Variants in SND1 observed in about 807,000 individuals in gnomAD.
SND1 encodes staphylococcal nuclease and tudor domain containing 1.
Under a neutral mutation model 121.7 loss-of-function variants are expected in SND1, and 38 were observed. The ratio of observed to expected loss-of-function variants is 0.31; its 90% CI spans 0.24 to 0.41. SND1 has a LOEUF of 0.41. Among genes scored for constraint, SND1 ranks in the 10% least tolerant of loss-of-function variants. The probability of loss-of-function intolerance (pLI) is 1.00; values close to 1 mark genes in which losing one functional copy is unlikely to be tolerated. For missense variants in SND1, 868 were observed against 1,184.6 expected, an observed-to-expected ratio of 0.73 and a Z score of 3.92; for synonymous variants, 401 against 447.4, an observed-to-expected ratio of 0.90 and a Z score of 1.31.
chr7:128,090,548 G>A (rs1212614228), intron 22 of SND1, among the ~76,000 whole-genome samples: 2 of 152,228 alleles, frequency 1.3e-5, no homozygotes, highest in East Asian at 1.9e-4. Context: ...AGAAAGTGAT[G>A]AGAGGGCAGC....
At chr7:128,078,613 T>G (rs1793547129) in intron 17 of SND1, among the ~76,000 whole-genome samples, 1 of 152,254 alleles carries the variant, frequency 6.6e-6, no homozygotes, top group Non-Finnish European at 1.5e-5. Context: ...GCTGCCCACC[T>G]GAGCCTGCTG....
At chr7:127,985,239 G>A (rs376988059) in intron 15 of SND1, among the ~76,000 whole-genome samples, 7 of 152,266 alleles carry the variant, frequency 4.6e-5, no homozygotes, top group Non-Finnish European at 8.8e-5. Flanking sequence ...GTTAAGCCCC[G>A]TGATTGAGTT....
chr7:127,795,755 T>G (rs1413353239), intron 10 of SND1, among the ~76,000 whole-genome samples: 4 of 152,164 alleles, frequency 2.6e-5, no homozygotes, highest in African/African-American at 9.7e-5. Flanking sequence ...CTGCCAAGAG[T>G]ACTACTTTTT....
At chr7:127,867,140 C>T (rs753354414) in intron 12 of SND1, among the ~76,000 whole-genome samples, 98 of 152,136 alleles carry the variant, frequency 6.4e-4, no homozygotes, top group Non-Finnish European at 1.1e-3. Flanking sequence ...AATTCTGTCC[C>T]GTTTGCTATT....
chr7:128,056,836 A>G (rs186498525), intron 16 of SND1, among the ~76,000 whole-genome samples: 4 of 152,352 alleles, frequency 2.6e-5, no homozygotes, highest in Admixed American at 2.6e-4. Context: ...ATTAATAACA[A>G]TAATAATAAA....
At chr7:127,979,727 C>T (rs957336219) in intron 15 of SND1, among the ~76,000 whole-genome samples, 1 of 152,188 alleles carries the variant, frequency 6.6e-6, no homozygotes, top group Non-Finnish European at 1.5e-5. Context: ...GACCTCAGAA[C>T]TCATTGTACT....
chr7:127,731,058 C>T (rs1796666489), intron 10 of SND1, among the ~76,000 whole-genome samples: 1 of 152,250 alleles, frequency 6.6e-6, no homozygotes, highest in Non-Finnish European at 1.5e-5. Flanking sequence ...GACTGGCATG[C>T]GGAAGCGGTA....
chr7:127,927,804 C>T (rs1223161915), intron 14 of SND1, among the ~76,000 whole-genome samples: 1 of 152,200 alleles, frequency 6.6e-6, no homozygotes, highest in Non-Finnish European at 1.5e-5. Flanking sequence ...GTTATGTTTT[C>T]ATTATCTAAT....
At chr7:128,026,803 T>C (rs1419994894) in intron 16 of SND1, among the ~76,000 whole-genome samples, 2 of 152,208 alleles carry the variant, frequency 1.3e-5, no homozygotes, top group African/African-American at 4.8e-5. Context: ...TTCCAGGGCA[T>C]AGGGAATTTG....
At chr7:127,822,421 A>C (rs1017376015) in intron 11 of SND1, among the ~76,000 whole-genome samples, 1 of 152,200 alleles carries the variant, frequency 6.6e-6, no homozygotes, top group Non-Finnish European at 1.5e-5. Flanking sequence ...AGTTTTCTCT[A>C]TGGCCATAAT....
In SND1 at chr7:128,029,653, G is replaced by A. The variant is rs959547651; in HGVS notation, c.1779+38597G>A. On this transcript the variant is annotated intron_variant, in intron 16 of 23. Coordinates refer to ENST00000354725, the MANE Select transcript of SND1 (RefSeq NM_014390.4). The surrounding 1 kb of genome is among the most constrained non-coding windows in gnomAD (Gnocchi z 4.2). ...CGGCCTCGCATGTGCATGGGAGCAT[G>A]ACAGCGGCCACAGCAGGTGGAATTG... 6.2e-7 allele frequency: 1 copy of A among 1,613,902 alleles called. No homozygotes were observed. Among genetic ancestry groups the A allele is most frequent in the African/African-American group, 1.3e-5 (1 of 74,940 alleles).
intron 11 of SND1, among the ~76,000 whole-genome samples, chr7:127,809,319 G>A (rs1480060991): frequency 6.6e-6 from 1 of 152,168 alleles, no homozygotes. Flanking sequence ...GAGTGACATT[G>A]TATAAATGAT....
intron 10 of SND1, among the ~76,000 whole-genome samples, chr7:127,725,393 A>G (rs1796565280): frequency 6.6e-6 from 1 of 152,176 alleles, no homozygotes; most frequent in Non-Finnish European, 1.5e-5. Context: ...AGCAGAATGG[A>G]AGCTAAATTT....
At chr7:128,020,468 C>T (rs780746671) in intron 16 of SND1, among the ~76,000 whole-genome samples, 1 of 152,214 alleles carries the variant, frequency 6.6e-6, no homozygotes, top group Non-Finnish European at 1.5e-5. Context: ...AGCTATGTGA[C>T]ACCTGGGCAA....
intron 15 of SND1, among the ~76,000 whole-genome samples, chr7:127,955,945 A>T (rs544462782): frequency 1.3e-5 from 2 of 152,248 alleles, no homozygotes; most frequent in East Asian, 3.9e-4. Flanking sequence ...GCTCTTCCTG[A>T]GCAGGAGCAC....
In SND1 at chr7:127,694,943, G is replaced by A; in HGVS notation, c.344G>A (p.Gly115Glu). ...QGREYGMIYL[G>E]KDTNGENIAE... is the part of the protein sequence containing the mutation. ...CGAGAGTATGGCATGATCTACCTTGGAAAAGGTGAGCTGCAGGGAGAGGAC... is the reference window on the plus strand; with the variant it reads ...CGAGAGTATGGCATGATCTACCTTGAAAAAGGTGAGCTGCAGGGAGAGGAC... The change falls in exon 3 of 24, where the codon GGA (glycine) becomes GAA (glutamate). Residue 115 changes from glycine to glutamate, a missense_variant. Transcript: ENST00000354725. 1 of 1,612,358 alleles carries A rather than the reference G, an allele frequency of 6.2e-7. No individual in the cohort carries two copies. The highest frequency in any genetic ancestry group is 2.2e-5 in the East Asian group (1 of 44,830).
At chr7:127,916,829 G>A (rs545047851) in intron 14 of SND1, among the ~76,000 whole-genome samples, 1 of 152,282 alleles carries the variant, frequency 6.6e-6, no homozygotes, top group Admixed American at 6.5e-5. Flanking sequence ...CAGGGGGGCA[G>A]CAAAAGCTAG....
At chr7:128,071,429 A>G (rs551545277) in intron 16 of SND1, among the ~76,000 whole-genome samples, 70 of 152,360 alleles carry the variant, frequency 4.6e-4, no homozygotes, top group Middle Eastern at 6.8e-3. Context: ...GTATGTATAT[A>G]TCTCTGTGTC....
intron 11 of SND1, among the ~76,000 whole-genome samples, chr7:127,833,869 T>G (rs1285408921): frequency 1.3e-5 from 2 of 152,172 alleles, no homozygotes; most frequent in Non-Finnish European, 2.9e-5. Context: ...AATAAATCTC[T>G]CCATCCCCTG....
Sources: allele counts gnomAD v4.1 joint callset (sites outside exome capture counted in the v4.1 genomes callset), GRCh38; gene constraint gnomAD v4.1.1; non-coding constraint Gnocchi (gnomAD v3.1); transcripts MANE v1.5; gene names NCBI Gene and HGNC (gene_info 2026-07-23, HGNC 2026-07-21).